The following ANKIB1 variants were observed in gnomAD, a reference collection of about 807,000 sequenced individuals.
ANKIB1 encodes the protein ankyrin repeat and IBR domain containing 1.
ANKIB1 carries 43 observed loss-of-function variants against 122.1 expected under a neutral mutation model. The ratio of observed to expected loss-of-function variants is 0.35; its 90% CI spans 0.28 to 0.45. The LOEUF (loss-of-function observed/expected upper bound fraction) is 0.45, where lower values mean the gene tolerates loss of function less well. Among genes scored for constraint, ANKIB1 ranks in the 20% least tolerant of loss-of-function variants. The pLI, the probability that ANKIB1 is intolerant of heterozygous loss-of-function variation, is 1.00. For synonymous variants in ANKIB1, 390 were observed against 442.0 expected (o/e 0.88, Z 1.48); for missense variants, 992 against 1,329.5 (o/e 0.75, Z 3.95).
intron 10 of ANKIB1, among the ~76,000 whole-genome samples, chr7:92,367,852 A>G (rs1413553745): frequency 3.3e-5 from 5 of 152,204 alleles, no homozygotes; most frequent in Non-Finnish European, 7.3e-5. Flanking sequence ...TTCAAATTGT[A>G]TTATTTAAAA....
intron 15 of ANKIB1, among the ~76,000 whole-genome samples, chr7:92,390,458 T>C (rs973415016): frequency 6.6e-6 from 1 of 152,182 alleles, no homozygotes; most frequent in African/African-American, 2.4e-5. Context: ...ACAACCCACA[T>C]TACCTATAAG....
At chr7:92,295,475 T>A (rs1385036098) in intron 2 of ANKIB1, among the ~76,000 whole-genome samples, 1 of 152,176 alleles carries the variant, frequency 6.6e-6, no homozygotes, top group Non-Finnish European at 1.5e-5. Context: ...TATATTTTGA[T>A]CCTCATTATG....
chr7:92,267,598 G>T (rs1489395876), intron 1 of ANKIB1, among the ~76,000 whole-genome samples: 1 of 152,154 alleles, frequency 6.6e-6, no homozygotes, highest in Admixed American at 6.5e-5. Flanking sequence ...TCATGAAGAT[G>T]TTCCTTCATG....
Position 92,295,169 on chromosome 7 carries a change from A to G in ANKIB1, c.188+3A>G. The G allele has an allele frequency of 6.5e-7, 1 of 1,535,768 alleles. No individual in the cohort carries two copies. Among genetic ancestry groups the G allele is most frequent in the Non-Finnish European group, 8.8e-7 (1 of 1,138,368 alleles). On this transcript the variant is annotated splice_donor_region_variant and intron_variant, in intron 2 of 19. Transcript: ENST00000265742. ...CATGGAATGAATAAAATATTAGGGT[A>G]AGTATTACTATAAACTAATTGGTAT...
intron 4 of ANKIB1, among the ~76,000 whole-genome samples, chr7:92,320,780 T>C (rs1372623684): frequency 2.0e-5 from 3 of 152,210 alleles, no homozygotes; most frequent in Admixed American, 6.5e-5. Context: ...AGAATCCATA[T>C]TGTACACAGG....
intron 3 of ANKIB1, among the ~76,000 whole-genome samples, chr7:92,308,408 G>T (rs1316408258): frequency 6.6e-6 from 1 of 151,988 alleles, no homozygotes; most frequent in African/African-American, 2.4e-5. Context: ...TACATGTTAA[G>T]TATAGCAAAT....
chr7:92,306,682 AC>A (rs1802569116), intron 2 of ANKIB1, among the ~76,000 whole-genome samples: 1 of 152,152 alleles, frequency 6.6e-6, no homozygotes, highest in Admixed American at 6.5e-5. Context: ...TCTTGGACTT[AC>A]CAGCGTCCAC....
intron 1 of ANKIB1, among the ~76,000 whole-genome samples, chr7:92,285,993 TTGGAGGTTTTATA>T: frequency 6.6e-6 from 1 of 152,300 alleles, no homozygotes; most frequent in Admixed American, 6.5e-5. Flanking sequence ...TAGGAAACAA[TTGGAGGTTTTATA>T]GAAGGTAATT....
intron 1 of ANKIB1, among the ~76,000 whole-genome samples, chr7:92,288,370 AC>A (rs1179027966): frequency 6.6e-6 from 1 of 152,172 alleles, no homozygotes; most frequent in Admixed American, 6.5e-5. Flanking sequence ...AAATAGAAAT[AC>A]CATGTTCATG....
intron 14 of ANKIB1, among the ~76,000 whole-genome samples, chr7:92,389,754 C>T (rs757411548): frequency 3.3e-5 from 5 of 152,092 alleles, no homozygotes; most frequent in Non-Finnish European, 5.9e-5. Context: ...GCTGCTGGGG[C>T]ATATGCTTCT....
At chr7:92,316,241 G>C (rs547633165) in intron 3 of ANKIB1, among the ~76,000 whole-genome samples, 1 of 152,052 alleles carries the variant, frequency 6.6e-6, no homozygotes, top group Non-Finnish European at 1.5e-5. Flanking sequence ...AGATGCTTTG[G>C]TTGAAGCATT....
intron 1 of ANKIB1, among the ~76,000 whole-genome samples, chr7:92,259,306 G>A (rs765503405): frequency 4.6e-5 from 7 of 152,206 alleles, no homozygotes; most frequent in South Asian, 2.1e-4. Context: ...GTGCCAGGTC[G>A]TAACCTAAAA....
intron 1 of ANKIB1, among the ~76,000 whole-genome samples, chr7:92,278,041 G>T (rs1439355005): frequency 6.6e-6 from 1 of 150,834 alleles, no homozygotes; most frequent in Non-Finnish European, 1.5e-5. Flanking sequence ...CAGAGATCGT[G>T]CCACTGCATT....
At chr7:92,375,421 AGTCTTTGTT>A in intron 11 of ANKIB1, among the ~76,000 whole-genome samples, 1 of 152,314 alleles carries the variant, frequency 6.6e-6, no homozygotes. Context: ...GTAATATTCT[AGTCTTTGTT>A]GTCATTTCAA....
At position 92,259,842 on chromosome 7, in the gene ANKIB1, G is replaced by A. The variant is rs184452085; in HGVS notation, c.-91+13323G>A. 2.4e-3 allele frequency among the ~76,000 whole-genome samples: 361 copies of A among 152,054 alleles called. 2 individuals are homozygous for A. Among genetic ancestry groups the A allele is most frequent in the African/African-American group, 8.2e-3 (339 of 41,488 alleles). ...GGACCTTGGAGTCATTCTTATTTTT[G>A]TCTTCTCTCTCACTTCTGCTTCCAA... On this transcript the variant is annotated intron_variant, in intron 1 of 19. Coordinates refer to ENST00000265742, the MANE Select transcript of ANKIB1 (RefSeq NM_019004.2).
intron 9 of ANKIB1, among the ~76,000 whole-genome samples, chr7:92,358,165 C>T (rs1377169492): frequency 1.3e-5 from 2 of 151,914 alleles, no homozygotes; most frequent in South Asian, 2.1e-4. Flanking sequence ...TCACTTGAAC[C>T]GAGGAGGCGG....
At chr7:92,397,425 G>A (rs1804922639) in intron 18 of ANKIB1, among the ~76,000 whole-genome samples, 1 of 151,592 alleles carries the variant, frequency 6.6e-6, no homozygotes, top group Admixed American at 6.6e-5. Context: ...GGCAGAGGTT[G>A]CAGTGAGCCA....
At chr7:92,392,668 G>A (rs1436351215) in intron 17 of ANKIB1, among the ~76,000 whole-genome samples, 5 of 151,930 alleles carry the variant, frequency 3.3e-5, no homozygotes, top group African/African-American at 1.2e-4. Context: ...CATTTTTTAA[G>A]GTTAATGCAA....
At chr7:92,279,865 C>T (rs1470790682) in intron 1 of ANKIB1, among the ~76,000 whole-genome samples, 2 of 152,132 alleles carry the variant, frequency 1.3e-5, no homozygotes, top group African/African-American at 4.8e-5. Flanking sequence ...ACTCAAAAAA[C>T]AAACAAACAA....
Sources: allele counts gnomAD v4.1 joint callset (sites outside exome capture counted in the v4.1 genomes callset), GRCh38; gene constraint gnomAD v4.1.1; transcripts MANE v1.5; gene names NCBI Gene and HGNC (gene_info 2026-07-23, HGNC 2026-07-21).